LDLRAD4: variants seen among roughly 807,000 people sequenced by gnomAD.
LDLRAD4 encodes low-density lipoprotein receptor class A domain-containing protein 4.
LDLRAD4 carries 5 observed loss-of-function variants against 17.0 expected under a neutral mutation model. The ratio of observed to expected loss-of-function variants is 0.29; its 90% CI spans 0.15 to 0.62. The LOEUF (loss-of-function observed/expected upper bound fraction) is 0.62, where lower values mean the gene tolerates loss of function less well. LDLRAD4 is among the 20% of genes least tolerant of loss of function. The probability of loss-of-function intolerance (pLI) is 0.84; values close to 1 mark genes in which losing one functional copy is unlikely to be tolerated. For missense variants in LDLRAD4, 340 were observed against 424.7 expected, an observed-to-expected ratio of 0.80 and a Z score of 1.75; for synonymous variants, 168 against 171.8, an observed-to-expected ratio of 0.98 and a Z score of 0.17.
chr18:13,652,485 C>T (rs1485531369), exon 6 of LDLRAD4: 2 of 152,602 alleles, frequency 1.3e-5, no homozygotes, highest in African/African-American at 2.4e-5. Flanking sequence ...AATCAAAAGT[C>T]ATTAAAGTCT....
intron 2 of LDLRAD4, among the ~76,000 whole-genome samples, chr18:13,393,024 G>A (rs1033881519): frequency 3.3e-5 from 5 of 152,272 alleles, no homozygotes; most frequent in Admixed American, 2.6e-4. Flanking sequence ...TGTGGGCTCC[G>A]AGTGAAGGAT....
At chr18:13,352,618 A>G (rs1315430288) in intron 1 of LDLRAD4, among the ~76,000 whole-genome samples, 1 of 152,110 alleles carries the variant, frequency 6.6e-6, no homozygotes, top group Non-Finnish European at 1.5e-5. Flanking sequence ...TTGTCAATTT[A>G]TGTATTTTCT....
chr18:13,263,459 C>T (rs1228755157), intron 1 of LDLRAD4, among the ~76,000 whole-genome samples: 2 of 152,150 alleles, frequency 1.3e-5, no homozygotes, highest in African/African-American at 4.8e-5. Context: ...AGTGAGGGCA[C>T]GGGATTGCAG....
intron 2 of LDLRAD4, among the ~76,000 whole-genome samples, chr18:13,391,299 G>A (rs138417979): frequency 5.3e-5 from 8 of 152,216 alleles, no homozygotes; most frequent in East Asian, 1.9e-4. Flanking sequence ...GGCAGCACTC[G>A]GGCTGTGGGG....
At chr18:13,486,754 A>T (rs2093233386) in intron 3 of LDLRAD4, 1 of 152,208 alleles carries the variant, frequency 6.6e-6, no homozygotes, top group South Asian at 2.1e-4. Context: ...AATACCACTG[A>T]AGGATTCACT....
At chr18:13,233,632 A>G (rs897937130) in intron 1 of LDLRAD4, among the ~76,000 whole-genome samples, 1 of 152,084 alleles carries the variant, frequency 6.6e-6, no homozygotes, top group Non-Finnish European at 1.5e-5. Context: ...TTCAGAGCCC[A>G]GAGGAACGGG....
rs752817589 is a variant in LDLRAD4 at position 13,630,572 on chromosome 18, G to A, written c.336+9301G>A. On this transcript the variant is annotated intron_variant, in intron 4 of 5. Transcript: ENST00000359446. ...CATAAAATACATTCATTCACTGGGA[G>A]GTTAGCCCTTGGGTAGAATCAGAAT... 5.9e-5 allele frequency among the ~76,000 whole-genome samples: 9 copies of A among 152,276 alleles called. No individual in the cohort carries two copies. The South Asian group carries it at 1.9e-3, about 32-fold the overall frequency.
intron 3 of LDLRAD4, among the ~76,000 whole-genome samples, chr18:13,549,951 T>C (rs2094413562): frequency 6.6e-6 from 1 of 152,190 alleles, no homozygotes; most frequent in Non-Finnish European, 1.5e-5. Context: ...GCATTTCTTC[T>C]GTATAATGGA....
intron 3 of LDLRAD4, chr18:13,612,728 C>T (rs1159564927): frequency 1.2e-5 from 19 of 1,613,690 alleles, no homozygotes; most frequent in Non-Finnish European, 1.6e-5. Context: ...ACCTGAACAA[C>T]AGCACACTGA....
intron 1 of LDLRAD4, among the ~76,000 whole-genome samples, chr18:13,253,718 C>G (rs1024163123): frequency 2.0e-5 from 3 of 152,202 alleles, no homozygotes; most frequent in African/African-American, 4.8e-5. Context: ...TGATCAGAAC[C>G]TGCCATGTTT....
chr18:13,293,741 G>T (rs1180201521), intron 1 of LDLRAD4, among the ~76,000 whole-genome samples: 1 of 152,226 alleles, frequency 6.6e-6, no homozygotes, highest in Non-Finnish European at 1.5e-5. Flanking sequence ...CGCATTGCAT[G>T]TTAATTTTCA....
intron 2 of LDLRAD4, among the ~76,000 whole-genome samples, chr18:13,431,965 C>T (rs778683184): frequency 1.1e-4 from 17 of 152,188 alleles, no homozygotes; most frequent in Admixed American, 5.2e-4. Context: ...CCAGTGAGGC[C>T]GGTGCCTTTA....
chr18:13,360,713 G>T (rs1334330451), intron 1 of LDLRAD4, among the ~76,000 whole-genome samples: 1 of 152,214 alleles, frequency 6.6e-6, no homozygotes, highest in Non-Finnish European at 1.5e-5. Context: ...GGCAGGCAAG[G>T]CCACTGAGAT....
intron 2 of LDLRAD4, among the ~76,000 whole-genome samples, chr18:13,422,590 C>T (rs979418169): frequency 2.6e-5 from 4 of 151,448 alleles, no homozygotes; most frequent in Non-Finnish European, 5.9e-5. Flanking sequence ...CCCAGCTACT[C>T]GGGAGGCTGA....
At chr18:13,291,938 T>C (rs148358878) in intron 1 of LDLRAD4, among the ~76,000 whole-genome samples, 2 of 152,302 alleles carry the variant, frequency 1.3e-5, no homozygotes, top group East Asian at 1.9e-4. Flanking sequence ...TGGTTACTTT[T>C]TGAGCCAATT....
Position 13,430,345 on chromosome 18 carries a change from G to A in LDLRAD4, c.41-7899G>A, listed in dbSNP as rs574847684. ...TGCTTTCTCTGCAGAGCAAAATCAC[G>A]AGAAGGTTATGCGAGGTTAGTCCCG... is the stretch of plus-strand genomic sequence containing the variant. On this transcript the variant is annotated intron_variant, in intron 2 of 5. Transcript: ENST00000359446. 8.5e-5 allele frequency among the ~76,000 whole-genome samples: 13 copies of A among 152,324 alleles called. No individual in the cohort carries two copies. In the East Asian group the frequency reaches 2.5e-3, roughly 29 times the overall value.
At chr18:13,457,243 T>G (rs2146489687) in intron 3 of LDLRAD4, among the ~76,000 whole-genome samples, 1 of 152,330 alleles carries the variant, frequency 6.6e-6, no homozygotes, top group East Asian at 1.9e-4. Context: ...CTCACAGAAC[T>G]CAGGGAAACA....
intron 3 of LDLRAD4, among the ~76,000 whole-genome samples, chr18:13,528,504 G>A (rs756736591): frequency 6.6e-6 from 1 of 152,052 alleles, no homozygotes; most frequent in Admixed American, 6.5e-5. Flanking sequence ...ATAGAGATGG[G>A]GTTTTGCCAT....
intron 1 of LDLRAD4, among the ~76,000 whole-genome samples, chr18:13,313,742 C>T (rs1390127741): frequency 6.6e-6 from 1 of 152,178 alleles, no homozygotes; most frequent in Non-Finnish European, 1.5e-5. Context: ...ACTTTGAGGA[C>T]AGTGACGGTT....
Sources: allele counts gnomAD v4.1 joint callset (sites outside exome capture counted in the v4.1 genomes callset), GRCh38; gene constraint gnomAD v4.1.1; transcripts MANE v1.5; gene names NCBI Gene and HGNC (gene_info 2026-07-23, HGNC 2026-07-21).